The following AGAP9 variants were observed in gnomAD, a reference collection of about 807,000 sequenced individuals.
AGAP9 encodes ArfGAP with GTPase domain, ankyrin repeat and PH domain 9.
A neutral mutation model predicts 55.6 loss-of-function variants in AGAP9; 23 were observed. That is an observed-to-expected ratio of 0.41 (90% CI 0.30 to 0.59). AGAP9 has a LOEUF of 0.59. Ranked by LOEUF, AGAP9 falls within the 20% of genes least tolerant of loss-of-function variation. AGAP9 has a pLI of 0.25. For synonymous variants in AGAP9, 120 were observed against 305.0 expected (o/e 0.39, Z 6.32); for missense variants, 309 against 808.1 (o/e 0.38, Z 7.49).
chr10:47,502,847 A>G lies in AGAP9; in HGVS notation c.1282T>C (p.Tyr428His), dbSNP rs1840383347. The G allele has an allele frequency of 2.0e-5, 32 of 1,603,598 alleles. No individual in the cohort carries two copies. The highest frequency in any genetic ancestry group is 3.4e-6 in the Non-Finnish European group (4 of 1,176,628). The change falls in exon 8 of 8, where the codon TAT (tyrosine) becomes CAT (histidine). Residue 428 changes from tyrosine (Y) to histidine (H), a missense_variant. Tyr to His is a moderately conservative substitution (Grantham distance 83, BLOSUM62 2). Transcript: ENST00000452145. ...TGGACCCAGGCATCCCGCTCCTCAT[A>G]CGTCGTGGCTTCAAAGTGCCACGTT... ...GQTWHFEATT[Y>H]EERDAWVQAI...
chr10:47,519,535 C>T (rs1270491397), intron 3 of AGAP9, among the ~76,000 whole-genome samples: 2 of 103,236 alleles, frequency 1.9e-5, no homozygotes, highest in African/African-American at 3.9e-5. Flanking sequence ...TGTGGAACCA[C>T]CTGCTTCCCC....
At chr10:47,503,637 T>A (rs1372811358) in intron 7 of AGAP9, 94 bp from the exon 8 acceptor site, 1 of 1,094,300 alleles carries the variant, frequency 9.1e-7, no homozygotes, top group East Asian at 2.7e-5. Context: ...AAAAGATACA[T>A]TTTCTGGGCC....
At position 47,516,043 on chromosome 10, in the gene AGAP9, T is replaced by C. The variant is rs1418109934; in HGVS notation, c.396+1780A>G. On this transcript the variant is annotated intron_variant, in intron 4 of 7. Transcript: ENST00000452145. The stretch of plus-strand genomic sequence containing the variant: ...CACTCTCAAAAAATATAAAATTCAA[T>C]AGAAATAGTAGAGGATAAAGTCACA... Among the ~76,000 whole-genome samples, 15 of 122,936 alleles carry C rather than the reference T, an allele frequency of 1.2e-4. 1 individual carries two copies. Among genetic ancestry groups the C allele is most frequent in the Admixed American group, 1.7e-4 (2 of 11,760 alleles). 80.7% of individuals were successfully genotyped at this position (122,936 alleles called of 152,430 possible).
At position 47,515,729 on chromosome 10, in the gene AGAP9, A is replaced by C. The variant is rs1480022764; in HGVS notation, c.396+2094T>G. Among the ~76,000 whole-genome samples the C allele has an allele frequency of 2.8e-3, 391 of 140,820 alleles. 20 individuals are homozygous for C. Among genetic ancestry groups the C allele is most frequent in the African/African-American group, 8.5e-3 (325 of 38,320 alleles). The allele number at this position is 140,820 out of a possible 152,430, so 92.4% of individuals were successfully genotyped here. A position where few individuals can be genotyped will look rare whatever the true frequency, so the allele number is the denominator to read the frequency against. On this transcript the variant is annotated intron_variant, in intron 4 of 7. Coordinates refer to ENST00000452145, the MANE Select transcript of AGAP9 (RefSeq NM_001190810.1). ...GCTTTTCCTTTCCAGGCCTGCTTTT[A>C]CTTTCCAGGCAGAAAATTGGGAGAT...
intron 5 of AGAP9, among the ~76,000 whole-genome samples, chr10:47,508,214 A>G (rs1840523725): frequency 1.7e-5 from 1 of 59,802 alleles, no homozygotes; most frequent in Non-Finnish European, 3.0e-5. Flanking sequence ...ACAGGCATGT[A>G]CCACCACACC....
chr10:47,513,344 T>C (rs1588950939), intron 4 of AGAP9, among the ~76,000 whole-genome samples: 3 of 142,440 alleles, frequency 2.1e-5, no homozygotes, highest in South Asian at 4.5e-4. Flanking sequence ...GATTATCTTT[T>C]TGATATGCCG....
chr10:47,521,937 C>T (rs1241075609), intron 2 of AGAP9, among the ~76,000 whole-genome samples: 30 of 150,404 alleles, frequency 2.0e-4, no homozygotes, highest in South Asian at 6.3e-4. Flanking sequence ...TGCGCCACTA[C>T]GCCCAGCTAA....
rs1166515152 is a variant in AGAP9 at position 47,502,183 on chromosome 10, C to T, written c.1946G>A (p.Trp649Ter). Residue 649 changes from tryptophan (W) to a stop codon, truncating the protein, a stop_gained, in exon 8 of 8, where the codon TGG becomes TAG. Coordinates refer to ENST00000452145, the MANE Select transcript of AGAP9 (RefSeq NM_001190810.1). LOFTEE classifies it high-confidence loss of function. ...LEQLLTGWTSWPEMPTGTQR is the reference protein window; with the variant it reads ...LEQLLTGWTS ...CTGTGTTCCCGTGGGCATCTCGGGC[C>T]ATGACGTCCACCCCGTCAGGAGCTG... 51 of 1,543,962 alleles carry T rather than the reference C, an allele frequency of 3.3e-5. 8 individuals are homozygous for T. The highest frequency in any genetic ancestry group is 4.1e-5 in the Non-Finnish European group (47 of 1,142,980).
chr10:47,507,529 A>G lies in AGAP9; in HGVS notation c.533+19T>C. 6.6e-7 allele frequency: 1 copy of G among 1,521,496 alleles called. No homozygotes were observed. Among genetic ancestry groups the G allele is most frequent in the East Asian group, 3.0e-5 (1 of 33,670 alleles). The allele number at this position is 1,521,496 out of a possible 1,614,324, so 94.2% of individuals were successfully genotyped here. A position where few individuals can be genotyped will look rare whatever the true frequency, so the allele number is the denominator to read the frequency against. ...AAGTAATTAGCTAGAATAACAAGACAGGTTTCTAAAAAGCTCACCTTTGTG... is the reference window on the plus strand; with the variant it reads ...AAGTAATTAGCTAGAATAACAAGACGGGTTTCTAAAAAGCTCACCTTTGTG... On this transcript the variant is annotated intron_variant, in intron 6 of 7. Coordinates refer to ENST00000452145, the MANE Select transcript of AGAP9 (RefSeq NM_001190810.1).
Position 47,506,399 on chromosome 10 carries a change from C to T in AGAP9, c.533+1149G>A, listed in dbSNP as rs1394934539. Among the ~76,000 whole-genome samples, 18 of 140,110 alleles carry T rather than the reference C, an allele frequency of 1.3e-4. No homozygotes were observed. The South Asian group carries it at 1.6e-3, about 12-fold the overall frequency. 91.9% of individuals were successfully genotyped at this position (140,110 alleles called of 152,430 possible). ...AGGCTGGGGTGCAATGGCAAGATCT[C>T]GGCTCACTGCAACCTCCACCTCCCA... On this transcript the variant is annotated intron_variant, in intron 6 of 7. Transcript: ENST00000452145.
rs1490435459 is a variant in AGAP9, at chr10:47,502,965, C to T, written c.1164G>A (p.Lys388=). 6.3e-7 allele frequency: 1 copy of T among 1,580,716 alleles called. No homozygotes were observed. The highest frequency in any genetic ancestry group is 1.5e-5 in the African/African-American group (1 of 67,654). Residue 388 remains lysine (K), a synonymous_variant, in exon 8 of 8, where the codon AAG becomes AAA. Coordinates refer to ENST00000452145, the MANE Select transcript of AGAP9 (RefSeq NM_001190810.1). ...SPGISSTTSP[K]LNPPPSPHAN... is the part of the protein sequence containing the mutation. ...CATGAGGAGAGGGGGGCGGGTTGAG[C>T]TTGGGGCTGGTGGTGCTGGAGATAC...
At chr10:47,513,933 T>C in intron 4 of AGAP9, among the ~76,000 whole-genome samples, 1 of 135,724 alleles carries the variant, frequency 7.4e-6, no homozygotes, top group South Asian at 2.4e-4. Flanking sequence ...CCATAAAAGT[T>C]CTAGAAGATA....
chr10:47,515,760 T>C (rs1222507742), intron 4 of AGAP9, among the ~76,000 whole-genome samples: 3 of 139,176 alleles, frequency 2.2e-5, no homozygotes, highest in Admixed American at 7.3e-5. Flanking sequence ...GAGATCCTTC[T>C]CAGAAGAAAC....
In AGAP9 at chr10:47,521,277, T is replaced by C. The variant is rs1270721067; in HGVS notation, c.293-710A>G. Among the ~76,000 whole-genome samples, 4 of 137,276 alleles carry C rather than the reference T, an allele frequency of 2.9e-5. 1 individual carries two copies. The highest frequency in any genetic ancestry group is 4.6e-5 in the Non-Finnish European group (3 of 65,316). 90.1% of individuals were successfully genotyped at this position (137,276 alleles called of 152,430 possible). A position where few individuals can be genotyped will look rare whatever the true frequency, so the allele number is the denominator to read the frequency against. On this transcript the variant is annotated intron_variant, in intron 2 of 7. Coordinates refer to ENST00000452145, the MANE Select transcript of AGAP9 (RefSeq NM_001190810.1). ...TCTACTAACTGGTGTGTAACATCCATCAGGCTTTCCAAACATCACCAAGCA... is the reference window on the plus strand; with the variant it reads ...TCTACTAACTGGTGTGTAACATCCACCAGGCTTTCCAAACATCACCAAGCA...
In AGAP9 at chr10:47,502,959, G is replaced by T; in HGVS notation, c.1170C>A (p.Asn390Lys). 2 of 1,586,964 alleles carry T rather than the reference G, an allele frequency of 1.3e-6. No individual in the cohort carries two copies. The highest frequency in any genetic ancestry group is 8.6e-7 in the Non-Finnish European group (1 of 1,168,130). ...TATTGGCATGAGGAGAGGGGGGCGG[G>T]TTGAGCTTGGGGCTGGTGGTGCTGG... ...GISSTTSPKL[N>K]PPPSPHANKK... The change falls in exon 8 of 8, where the codon AAC becomes AAA. Residue 390 changes from asparagine (N) to lysine (K), a missense_variant. Coordinates refer to ENST00000452145, the MANE Select transcript of AGAP9 (RefSeq NM_001190810.1).
Position 47,510,259 on chromosome 10 carries a change from G to A in AGAP9, c.409C>T (p.Arg137Cys), listed in dbSNP as rs1840577837. The A allele has an allele frequency of 1.1e-5, 15 of 1,350,488 alleles. 2 individuals are homozygous for A. Among genetic ancestry groups the A allele is most frequent in the African/African-American group, 3.3e-5 (2 of 61,414 alleles). The allele number at this position is 1,350,488 out of a possible 1,614,324, so 83.7% of individuals were successfully genotyped here. A position where few individuals can be genotyped will look rare whatever the true frequency, so the allele number is the denominator to read the frequency against. Residue 137 changes from arginine to cysteine, a missense_variant, in exon 5 of 8, where the codon CGT (arginine) becomes TGT (cysteine). Coordinates refer to ENST00000452145, the MANE Select transcript of AGAP9 (RefSeq NM_001190810.1). ...SNCTNHVSTE[R>C]FSQQYSSCST... ...CACGAGCTGTATTGTTGACTGAAAC[G>A]CTCAGTAGATACCTGAAGGGGAAGG...
intron 5 of AGAP9, among the ~76,000 whole-genome samples, chr10:47,508,174 C>T (rs1840523012): frequency 1.1e-5 from 1 of 87,298 alleles, no homozygotes; most frequent in Non-Finnish European, 2.2e-5. Flanking sequence ...AAGAGATTCT[C>T]CTGCCTCAGC....
Position 47,503,195 on chromosome 10 carries a change from C to T in AGAP9, c.934G>A (p.Val312Met), listed in dbSNP as rs1309622512. The T allele has an allele frequency of 7.7e-4, 1,238 of 1,603,138 alleles. 28 individuals are homozygous for T. In the East Asian group the frequency reaches 0.025, roughly 32 times the overall value. The change falls in exon 8 of 8, where the codon GTG becomes ATG. Residue 312 changes from valine to methionine, a missense_variant. Physicochemically the swap from Val to Met is conservative, Grantham distance 21. Transcript: ENST00000452145. ...KKYVTLCSNG[V>M]LTYYSSLGDY... ...CCTAAGCTTGAATAATAGGTGAGCA[C>T]GCCATTGGAACACAGGGTGACGTAT...
Position 47,509,946 on chromosome 10 carries a change from A to T in AGAP9, c.497+225T>A, listed in dbSNP as rs1840568685. Among the ~76,000 whole-genome samples, 3 of 142,550 alleles carry T rather than the reference A, an allele frequency of 2.1e-5. 1 individual carries two copies. 93.5% of individuals were successfully genotyped at this position (142,550 alleles called of 152,430 possible). ...CAACATTGTCTAAAGGCATAAAGAC[A>T]TCAAAAAGACACACTGTTTCTGGGT... On this transcript the variant is annotated intron_variant, in intron 5 of 7. Transcript: ENST00000452145.
Sources: gnomAD v4.1 joint callset for allele counts (sites outside exome capture counted in the v4.1 genomes callset) on GRCh38, gnomAD v4.1.1 for gene constraint, MANE v1.5 for transcripts, NCBI Gene and HGNC (gene_info 2026-07-23, HGNC 2026-07-21) for gene names.